Variants in PTPRG observed in about 807,000 individuals in gnomAD.
PTPRG encodes receptor-type tyrosine-protein phosphatase gamma.
Under a neutral mutation model 165.3 loss-of-function variants are expected in PTPRG, and 102 were observed. That is an observed-to-expected ratio of 0.62 (90% CI 0.53 to 0.73). The LOEUF is 0.73. PTPRG is among the 30% of genes least tolerant of loss of function. The pLI, the probability that PTPRG is intolerant of heterozygous loss-of-function variation, is 0.00. For synonymous variants in PTPRG, 675 were observed against 669.5 expected, an observed-to-expected ratio of 1.01 and a Z score of -0.13; for missense variants, 1,866 against 1,861.4, an observed-to-expected ratio of 1.00 and a Z score of -0.05.
chr3:62,273,609 A>T lies in PTPRG; in HGVS notation c.3319-89A>T, dbSNP rs1576207539. 7.5e-7 allele frequency: 1 copy of T among 1,328,360 alleles called. No homozygotes were observed. Among genetic ancestry groups the T allele is most frequent in the East Asian group, 2.3e-5 (1 of 43,124 alleles). 82.3% of individuals were successfully genotyped at this position (1,328,360 alleles called of 1,614,324 possible). ...AGGAAATCACTGGGAGGTCCCTGTT[A>T]GCAGCAGAATTAAACTAAGGTACAC... On this transcript the variant is annotated intron_variant, in intron 22 of 29. Transcript: ENST00000474889. This position sits in a 1 kb window ranked among gnomAD's most constrained non-coding sequence, Gnocchi z 4.1.
chr3:61,862,815 C>T (rs565650024), intron 2 of PTPRG, among the ~76,000 whole-genome samples: 1 of 152,294 alleles, frequency 6.6e-6, no homozygotes, highest in Admixed American at 6.5e-5. Flanking sequence ...TTCTTAGTGT[C>T]TGTCTGATGT....
intron 2 of PTPRG, among the ~76,000 whole-genome samples, chr3:61,917,755 C>T (rs1282283184): frequency 6.6e-6 from 1 of 152,062 alleles, no homozygotes; most frequent in Non-Finnish European, 1.5e-5. Flanking sequence ...CATGGTGAAA[C>T]CCCGTGTCTT....
chr3:62,045,091 G>C (rs375031532), intron 4 of PTPRG, among the ~76,000 whole-genome samples: 21 of 152,294 alleles, frequency 1.4e-4, no homozygotes, highest in Non-Finnish European at 2.8e-4. Context: ...ACTCATAGTA[G>C]TTGTCTCAGA....
chr3:61,912,526 GA>G (rs553265299), intron 2 of PTPRG, among the ~76,000 whole-genome samples: 264 of 151,974 alleles, frequency 1.7e-3, no homozygotes, highest in African/African-American at 5.4e-3. Context: ...AAAAAGTAAA[GA>G]AAAAAAATCC....
chr3:61,935,135 A>T lies in PTPRG; in HGVS notation c.191-54490A>T, dbSNP rs988352379. ...GCAGCCCCCATCTCCGCCTCTCCCT[A>T]CACCAGGCCCAGCACCCACATTCCC... On this transcript the variant is annotated intron_variant, in intron 2 of 29. Transcript: ENST00000474889. 3.3e-5 allele frequency among the ~76,000 whole-genome samples: 5 copies of T among 151,900 alleles called. No homozygotes were observed. In the South Asian group the frequency reaches 1.0e-3, roughly 32 times the overall value.
chr3:61,841,985 C>T (rs546590016), intron 2 of PTPRG, among the ~76,000 whole-genome samples: 5 of 152,302 alleles, frequency 3.3e-5, no homozygotes, highest in African/African-American at 1.2e-4. Flanking sequence ...ATGGTATGCA[C>T]AGAGTTTGTT....
At chr3:62,000,568 G>C (rs960287183) in intron 3 of PTPRG, among the ~76,000 whole-genome samples, 2 of 152,150 alleles carry the variant, frequency 1.3e-5, no homozygotes, top group Non-Finnish European at 2.9e-5. Context: ...TTCTTGAGAA[G>C]CCTTCTCACT....
chr3:61,789,154 C>T (rs2034797220), intron 2 of PTPRG, among the ~76,000 whole-genome samples: 1 of 152,068 alleles, frequency 6.6e-6, no homozygotes, highest in Non-Finnish European at 1.5e-5. Flanking sequence ...CACTGGAATG[C>T]AGTAGCAGGA....
chr3:61,916,215 T>C (rs749165099), intron 2 of PTPRG, among the ~76,000 whole-genome samples: 2 of 152,238 alleles, frequency 1.3e-5, no homozygotes, highest in Non-Finnish European at 2.9e-5. Context: ...TTTTCTTTGT[T>C]GGCATTTGTA....
intron 3 of PTPRG, among the ~76,000 whole-genome samples, chr3:61,991,381 T>C (rs538622244): frequency 1.8e-4 from 28 of 152,272 alleles, no homozygotes; most frequent in African/African-American, 6.3e-4. Context: ...AGTTTTTGTG[T>C]TTTTAGTAGA....
At chr3:62,201,279 G>C (rs1700090523) in intron 10 of PTPRG, among the ~76,000 whole-genome samples, 1 of 152,138 alleles carries the variant, frequency 6.6e-6, no homozygotes, top group Non-Finnish European at 1.5e-5. Flanking sequence ...CTTAAGACAG[G>C]GGTCAGCACG....
intron 1 of PTPRG, among the ~76,000 whole-genome samples, chr3:61,629,583 A>G (rs1271351406): frequency 4.6e-5 from 7 of 152,230 alleles, no homozygotes; most frequent in Non-Finnish European, 8.8e-5. Context: ...TTGTTTTAAC[A>G]TCAAAGTTGA....
At chr3:61,926,691 G>T (rs1176679667) in intron 2 of PTPRG, among the ~76,000 whole-genome samples, 1 of 146,196 alleles carries the variant, frequency 6.8e-6, no homozygotes, top group Non-Finnish European at 1.5e-5. Flanking sequence ...TAATATGGTA[G>T]CCCAGCCTTG....
chr3:61,741,788 A>G (rs373796003), intron 1 of PTPRG, among the ~76,000 whole-genome samples: 8 of 152,244 alleles, frequency 5.3e-5, no homozygotes, highest in African/African-American at 1.4e-4. Flanking sequence ...CTTTGTGGCC[A>G]TGTATCTTCT....
intron 2 of PTPRG, among the ~76,000 whole-genome samples, chr3:61,818,974 C>T (rs2035875504): frequency 1.3e-5 from 2 of 151,822 alleles, no homozygotes. Context: ...CAAATCATCC[C>T]AGATAAATAA....
intron 20 of PTPRG, among the ~76,000 whole-genome samples, chr3:62,269,930 AAATTT>A (rs745318191): frequency 2.8e-4 from 43 of 152,254 alleles, no homozygotes; most frequent in African/African-American, 9.9e-4. Context: ...ATCTATGATA[AAATTT>A]AATTTATCAA....
At chr3:62,241,226 T>C (rs1180717777) in intron 14 of PTPRG, among the ~76,000 whole-genome samples, 2 of 152,318 alleles carry the variant, frequency 1.3e-5, no homozygotes, top group South Asian at 2.1e-4. Context: ...GTTTTAAGGA[T>C]TGCAGACAGC....
Position 61,799,002 on chromosome 3 carries a change from C to G in PTPRG, c.190+50020C>G, listed in dbSNP as rs891909796. 3.3e-5 allele frequency among the ~76,000 whole-genome samples: 5 copies of G among 151,732 alleles called. No individual in the cohort carries two copies. The East Asian group carries it at 7.8e-4, about 24-fold the overall frequency. On this transcript the variant is annotated intron_variant, in intron 2 of 29. Coordinates refer to ENST00000474889, the MANE Select transcript of PTPRG (RefSeq NM_002841.4). ...CTTGGTCTTTTTCACCTTCTCTCCA[C>G]CTGTTAGGGACATAAACATTAAAAA...
rs139425562 is a variant in PTPRG at position 62,091,723 on chromosome 3, A to G, written c.615+13465A>G. Among the ~76,000 whole-genome samples the G allele has an allele frequency of 7.2e-5, 11 of 152,290 alleles. No individual in the cohort carries two copies. The East Asian group carries it at 1.9e-3, about 27-fold the overall frequency. ...GTGGGATGTGATCGTTGGAGATTTT[A>G]GAATACTAGGGCATGGGAATTATTA... is the stretch of plus-strand genomic sequence containing the variant. On this transcript the variant is annotated intron_variant, in intron 5 of 29. Transcript: ENST00000474889.
Sources: gnomAD v4.1 joint callset for allele counts (sites outside exome capture counted in the v4.1 genomes callset) on GRCh38, gnomAD v4.1.1 for gene constraint, Gnocchi (gnomAD v3.1) non-coding constraint, MANE v1.5 for transcripts, NCBI Gene and HGNC (gene_info 2026-07-23, HGNC 2026-07-21) for gene names.